Variants in MEP1B observed in about 807,000 individuals in gnomAD.
MEP1B encodes N-benzoyl-L-tyrosyl-P-amino-benzoic acid hydrolase subunit beta.
In MEP1B, 80 loss-of-function variants were observed where a neutral mutation model predicts 84.6. That is an observed-to-expected ratio of 0.95 (90% confidence interval 0.79 to 1.14). The LOEUF (loss-of-function observed/expected upper bound fraction) is 1.14, where lower values mean the gene tolerates loss of function less well. Among genes scored for constraint, MEP1B ranks in the 50% most tolerant of loss-of-function variants. MEP1B has a pLI of 0.00. For synonymous variants in MEP1B, 273 were observed against 288.1 expected (o/e 0.95, Z 0.53); for missense variants, 766 against 855.1 (o/e 0.90, Z 1.30).
chr18:32,200,146 C>T (rs537790690), intron 5 of MEP1B, among the ~76,000 whole-genome samples: 1 of 151,928 alleles, frequency 6.6e-6, no homozygotes, highest in African/African-American at 2.4e-5. Flanking sequence ...TGGAGGATTA[C>T]CATAGTCTCT....
At position 32,200,160 on chromosome 18, in the gene MEP1B, G is replaced by A. The variant is rs141772889; in HGVS notation, c.251-2733G>A. ...TTGGAGGATTACCATAGTCTCTGGCGTATTATATGTAATAACATTTTTGAA... is the reference window on the plus strand; with the variant it reads ...TTGGAGGATTACCATAGTCTCTGGCATATTATATGTAATAACATTTTTGAA... On this transcript the variant is annotated intron_variant, in intron 5 of 14. Coordinates refer to ENST00000269202, the MANE Select transcript of MEP1B (RefSeq NM_005925.3). Among the ~76,000 whole-genome samples the A allele has an allele frequency of 2.6e-4, 39 of 151,978 alleles. No homozygotes were observed. The East Asian group carries it at 6.4e-3, about 25-fold the overall frequency.
intron 14 of MEP1B, among the ~76,000 whole-genome samples, chr18:32,219,648 G>A (rs2041129111): frequency 6.6e-6 from 1 of 152,048 alleles, no homozygotes; most frequent in Non-Finnish European, 1.5e-5. Context: ...GCTGTTATAA[G>A]CAAGTATAAA....
chr18:32,191,583 T>A (rs1298716307), intron 1 of MEP1B, among the ~76,000 whole-genome samples: 1 of 152,020 alleles, frequency 6.6e-6, no homozygotes, highest in Admixed American at 6.5e-5. Flanking sequence ...GGTTTCTTGT[T>A]TCCTTCACCT....
At chr18:32,207,968 A>C in intron 8 of MEP1B, 151 bp from the exon 9 acceptor site, 1 of 716,182 alleles carries the variant, frequency 1.4e-6, no homozygotes, top group Non-Finnish European at 2.3e-6. Context: ...TCTGCAAATA[A>C]AGAGGGATCT....
At chr18:32,192,506 A>ATCAG (rs1356297864) in intron 2 of MEP1B, 140 bp from the exon 3 acceptor site, 3 of 738,064 alleles carry the variant, frequency 4.1e-6, no homozygotes, top group Non-Finnish European at 4.6e-6. Context: ...CAATCAATCA[A>ATCAG]TCAATGTATG....
Position 32,196,803 on chromosome 18 carries a change from C to A in MEP1B, c.250+1318C>A, listed in dbSNP as rs61742581. 4.6e-5 allele frequency: 30 copies of A among 646,740 alleles called. No homozygotes were observed. In the Admixed American group the frequency reaches 5.2e-4, roughly 11 times the overall value. 40.1% of individuals were successfully genotyped at this position (646,740 alleles called of 1,614,324 possible). A position where few individuals can be genotyped will look rare whatever the true frequency, so the allele number is the denominator to read the frequency against. ...GTTGGGGTGCTCGATGCCCATCACC[C>A]GCACGCTCATCAGCACTGCCTTCTG... On this transcript the variant is annotated intron_variant, in intron 5 of 14. Transcript: ENST00000269202. This position sits in a 1 kb window ranked among gnomAD's most constrained non-coding sequence, Gnocchi z 4.4.
chr18:32,203,312 C>T (rs1424443169), intron 6 of MEP1B: 1 of 236,366 alleles, frequency 4.2e-6, no homozygotes, highest in African/African-American at 2.3e-5. Context: ...AAGTAAAAAA[C>T]ATGTGTATTT....
At chr18:32,209,775 G>A (rs1032357557) in intron 9 of MEP1B, among the ~76,000 whole-genome samples, 1 of 150,550 alleles carries the variant, frequency 6.6e-6, no homozygotes, top group Non-Finnish European at 1.5e-5. Flanking sequence ...CTTTTTTTGT[G>A]ACAGTTTGAA....
At chr18:32,207,156 G>A (rs2040973752) in intron 7 of MEP1B, 96 bp from the exon 8 acceptor site, 10 of 784,480 alleles carry the variant, frequency 1.3e-5, no homozygotes, top group Non-Finnish European at 2.0e-5. Flanking sequence ...AATTGCTTGA[G>A]TTTATTATAT....
chr18:32,201,722 A>G (rs2040914980), intron 5 of MEP1B, among the ~76,000 whole-genome samples: 1 of 152,130 alleles, frequency 6.6e-6, no homozygotes, highest in Admixed American at 6.5e-5. Flanking sequence ...ATTCATATCA[A>G]TTTTTAACTT....
chr18:32,193,187 T>A (rs2040819781), intron 4 of MEP1B, among the ~76,000 whole-genome samples: 2 of 152,184 alleles, frequency 1.3e-5, no homozygotes, highest in Non-Finnish European at 2.9e-5. Context: ...CTTCAATGAA[T>A]CAGGCTTTTT....
intron 4 of MEP1B, among the ~76,000 whole-genome samples, 199 bp from the exon 5 acceptor site, chr18:32,195,208 T>C (rs868656279): frequency 2.0e-5 from 3 of 152,274 alleles, no homozygotes; most frequent in Admixed American, 6.5e-5. Flanking sequence ...AACAAAATGA[T>C]AGAAATTAGT....
rs898209378 is a variant in MEP1B at position 32,202,917 on chromosome 18, T to C, written c.275T>C (p.Leu92Pro). The change falls in exon 6 of 15, where the codon CTC (leucine) becomes CCC (proline). Residue 92 changes from leucine (L) to proline (P), a missense_variant. Coordinates refer to ENST00000269202, the MANE Select transcript of MEP1B (RefSeq NM_005925.3). ...GAAATGAATGCTAAGGGAGTTATCC[T>C]CAATGCATTTGAACGTTATCGCCTT... ...SLEMNAKGVI[L>P]NAFERYRLKT... 6.2e-7 allele frequency: 1 copy of C among 1,610,678 alleles called. No homozygotes were observed. Among genetic ancestry groups the C allele is most frequent in the African/African-American group, 1.3e-5 (1 of 75,028 alleles).
chr18:32,209,242 T>C (rs1373951323), intron 9 of MEP1B, among the ~76,000 whole-genome samples: 3 of 152,186 alleles, frequency 2.0e-5, no homozygotes, highest in Admixed American at 6.5e-5. Flanking sequence ...ATCCCCGGCC[T>C]TTGGGAGGCC....
chr18:32,213,075 T>A, intron 10 of MEP1B, 41 bp from the exon 11 acceptor site: 2 of 1,567,704 alleles, frequency 1.3e-6, no homozygotes, highest in Non-Finnish European at 1.7e-6. Context: ...GTACATGATT[T>A]GAACTTCTTT....
At chr18:32,208,378 G>A in intron 9 of MEP1B, 107 bp downstream of exon 9, 1 of 1,181,096 alleles carries the variant, frequency 8.5e-7, no homozygotes, top group Non-Finnish European at 1.2e-6. Flanking sequence ...AATTATTAAT[G>A]ATTATTCATT....
chr18:32,192,231 T>C (rs2040808799), intron 2 of MEP1B, among the ~76,000 whole-genome samples: 1 of 152,134 alleles, frequency 6.6e-6, no homozygotes, highest in Non-Finnish European at 1.5e-5. Flanking sequence ...AAGTTTAACT[T>C]AAGAATTTTG....
rs1264589084 is a variant in MEP1B, at chr18:32,213,448, T to G, written c.1468T>G (p.Trp490Gly). The change falls in exon 11 of 15, where the codon TGG becomes GGG. Residue 490 changes from tryptophan to glycine, a missense_variant. Trp to Gly is a radical substitution (Grantham distance 184). Coordinates refer to ENST00000269202, the MANE Select transcript of MEP1B (RefSeq NM_005925.3). The stretch of plus-strand genomic sequence containing the variant: ...TGGAGCCAATGATGATCAATTACAG[T>G]GGCCATGTCCTTGGCAACAAGCCAC... ...ISGANDDQLQWPCPWQQATMT... is the reference protein window; with the variant it reads ...ISGANDDQLQGPCPWQQATMT... The G allele has an allele frequency of 6.2e-7, 1 of 1,613,898 alleles. No homozygotes were observed. The highest frequency in any genetic ancestry group is 1.1e-5 in the South Asian group (1 of 91,078).
Position 32,215,118 on chromosome 18 carries a change from T to C in MEP1B, c.1616T>C (p.Val539Ala). The change falls in exon 12 of 15, where the codon GTG becomes GCG. Residue 539 changes from valine (V) to alanine (A), a missense_variant. Transcript: ENST00000269202. ...GNYFWDRPSK[V>A]GTVALFSNGT... is the part of the protein sequence containing the mutation. ...TATTTCTGGGACAGGCCTTCTAAAGTGGGAACAGTGGCTTTGTTCTCTAAT... is the reference window on the plus strand; with the variant it reads ...TATTTCTGGGACAGGCCTTCTAAAGCGGGAACAGTGGCTTTGTTCTCTAAT... The C allele has an allele frequency of 1.9e-6, 3 of 1,605,418 alleles. No individual in the cohort carries two copies. The highest frequency in any genetic ancestry group is 2.6e-6 in the Non-Finnish European group (3 of 1,175,542).
Sources: allele counts gnomAD v4.1 joint callset (sites outside exome capture counted in the v4.1 genomes callset), GRCh38; gene constraint gnomAD v4.1.1; non-coding constraint Gnocchi (gnomAD v3.1); transcripts MANE v1.5; gene names NCBI Gene and HGNC (gene_info 2026-07-23, HGNC 2026-07-21).